PLXNA4: variants seen among roughly 807,000 people sequenced by gnomAD.
PLXNA4 encodes plexin-A4.
PLXNA4 carries 44 observed loss-of-function variants against 191.8 expected under a neutral mutation model. That is an observed-to-expected ratio of 0.23 (90% CI 0.18 to 0.29). The LOEUF is 0.29. Among genes scored for constraint, PLXNA4 ranks in the 10% least tolerant of loss-of-function variants. The pLI is 1.00. For synonymous variants in PLXNA4, 1,082 were observed against 1,009.5 expected, an observed-to-expected ratio of 1.07 and a Z score of -1.36; for missense variants, 1,800 against 2,488.8, an observed-to-expected ratio of 0.72 and a Z score of 5.89.
In PLXNA4 at chr7:132,128,164, A is replaced by C. The variant is rs1180409210; in HGVS notation, c.*2315T>G. ...CTTCCTCAGACCGTCTCCCACATGT[A>C]CCCTTTCTGGCCTTCCAGGTCCTGT... On this transcript the variant is annotated 3_prime_UTR_variant, in exon 32 of 32. Coordinates refer to ENST00000321063, the MANE Select transcript of PLXNA4 (RefSeq NM_020911.2). 1 of 152,116 alleles carries C rather than the reference A, an allele frequency of 6.6e-6. No homozygotes were observed. Among genetic ancestry groups the C allele is most frequent in the Admixed American group, 6.6e-5 (1 of 15,264 alleles). The allele number at this position is 152,116 out of a possible 1,614,324, so 9.4% of individuals were successfully genotyped here.
intron 2 of PLXNA4, among the ~76,000 whole-genome samples, chr7:132,590,218 A>C (rs1419461372): frequency 6.6e-6 from 1 of 152,222 alleles, no homozygotes; most frequent in Non-Finnish European, 1.5e-5. Context: ...CAGGCACAGA[A>C]GGTAACTGAG....
chr7:132,403,430 C>CAGGT (rs1794077125), intron 3 of PLXNA4, among the ~76,000 whole-genome samples: 1 of 152,178 alleles, frequency 6.6e-6, no homozygotes, highest in African/African-American at 2.4e-5. Context: ...ACCAGGCAGG[C>CAGGT]AGGTAACGGG....
chr7:132,259,754 A>G (rs894436901), intron 4 of PLXNA4, among the ~76,000 whole-genome samples: 2 of 152,228 alleles, frequency 1.3e-5, no homozygotes, highest in African/African-American at 2.4e-5. Context: ...GGATAAATAA[A>G]TGGTGTGGTA....
intron 3 of PLXNA4, among the ~76,000 whole-genome samples, chr7:132,427,897 T>TA (rs2117178930): frequency 6.6e-6 from 1 of 152,330 alleles, no homozygotes; most frequent in South Asian, 2.1e-4. Flanking sequence ...TTGGGAATGT[T>TA]AAAGAGATGG....
At chr7:132,608,848 A>C (rs961165081) in intron 2 of PLXNA4, among the ~76,000 whole-genome samples, 1 of 152,142 alleles carries the variant, frequency 6.6e-6, no homozygotes, top group Non-Finnish European at 1.5e-5. Flanking sequence ...TGTCTCAAGG[A>C]CCACATTCAA....
intron 9 of PLXNA4, among the ~76,000 whole-genome samples, chr7:132,212,519 C>T (rs73723744): frequency 6.6e-6 from 1 of 152,104 alleles, no homozygotes; most frequent in African/African-American, 2.4e-5. Flanking sequence ...ACATCACAGC[C>T]CATTTGAAAC....
chr7:132,348,015 A>T (rs1803318689), intron 3 of PLXNA4, among the ~76,000 whole-genome samples: 1 of 152,130 alleles, frequency 6.6e-6, no homozygotes, highest in African/African-American at 2.4e-5. Flanking sequence ...AAAACATTCC[A>T]TTTGCCTCCC....
At chr7:132,415,027 C>T (rs1336246959) in intron 3 of PLXNA4, among the ~76,000 whole-genome samples, 1 of 152,230 alleles carries the variant, frequency 6.6e-6, no homozygotes, top group Non-Finnish European at 1.5e-5. Context: ...GGCAGCCCTG[C>T]TGGTAAGCAG....
chr7:132,550,214 A>G (rs1333568066), intron 1 of PLXNA4, among the ~76,000 whole-genome samples: 1 of 152,202 alleles, frequency 6.6e-6, no homozygotes, highest in Non-Finnish European at 1.5e-5. Flanking sequence ...TGACCCCCAC[A>G]GCATGGTGGT....
At chr7:132,449,128 C>A (rs1459207037) in intron 3 of PLXNA4, among the ~76,000 whole-genome samples, 1 of 152,152 alleles carries the variant, frequency 6.6e-6, no homozygotes, top group African/African-American at 2.4e-5. Flanking sequence ...CTGGCTAGAC[C>A]AATAGACACT....
chr7:132,365,364 T>TGCGTGCGCGCGCGCGTGCGTGCGCGC (rs144384812), intron 3 of PLXNA4, among the ~76,000 whole-genome samples: 1 of 147,214 alleles, frequency 6.8e-6, no homozygotes, highest in South Asian at 2.2e-4. Context: ...TGTGTGTGCG[T>TGCGTGCGCGCGCGCGTGCGTGCGCGC]GCGCGCGCAT....
rs1380763400 is a variant in PLXNA4 at position 132,211,029 on chromosome 7, C to T, written c.2212G>A (p.Glu738Lys). The change falls in exon 10 of 32, where the codon GAA (glutamate) becomes AAA (lysine). Residue 738 changes from glutamate to lysine, a missense_variant. Around this residue, in one of 6 missense-constraint regions of PLXNA4, gnomAD observed 1,397 missense variants for 1,880.4 expected, o/e 0.74. Transcript: ENST00000321063. ...PQPQSGQRGY[E>K]CILNIQGSEQ... ...CTGCCCTGAATGTTGAGGATGCATTCGTAGCCACGCTGCCCAGACTGGGGC... is the reference window on the plus strand; with the variant it reads ...CTGCCCTGAATGTTGAGGATGCATTTGTAGCCACGCTGCCCAGACTGGGGC... 3.1e-6 allele frequency: 5 copies of T among 1,613,936 alleles called. No individual in the cohort carries two copies. Among genetic ancestry groups the T allele is most frequent in the East Asian group, 2.2e-5 (1 of 44,888 alleles).
At chr7:132,138,018 TGAAAA>T (rs1184418013) in intron 30 of PLXNA4, among the ~76,000 whole-genome samples, 1 of 151,800 alleles carries the variant, frequency 6.6e-6, no homozygotes, top group Non-Finnish European at 1.5e-5. Context: ...GGAGGACAGA[TGAAAA>T]GATGAGTGGG....
intron 2 of PLXNA4, among the ~76,000 whole-genome samples, chr7:132,617,071 T>G (rs915299495): frequency 8.5e-5 from 13 of 152,180 alleles, no homozygotes; most frequent in Non-Finnish European, 1.6e-4. Context: ...GTGGCTAAAG[T>G]GAGCAGCCAT....
intron 24 of PLXNA4, among the ~76,000 whole-genome samples, chr7:132,160,243 T>G (rs1795908955): frequency 6.6e-6 from 1 of 152,204 alleles, no homozygotes; most frequent in Non-Finnish European, 1.5e-5. Context: ...ATGTATTCTT[T>G]AAAAATAAAA....
chr7:132,377,421 A>G (rs1270171798), intron 3 of PLXNA4, among the ~76,000 whole-genome samples: 3 of 144,878 alleles, frequency 2.1e-5, no homozygotes, highest in East Asian at 3.9e-4. Context: ...CAAATGAAAA[A>G]GAAAAAAAAA....
intron 21 of PLXNA4, among the ~76,000 whole-genome samples, chr7:132,173,558 G>C (rs1254905716): frequency 6.6e-6 from 1 of 152,118 alleles, no homozygotes; most frequent in Non-Finnish European, 1.5e-5. Flanking sequence ...ACACACACAA[G>C]CCTATGCTTC....
At chr7:132,141,825 G>A (rs561500546) in intron 29 of PLXNA4, among the ~76,000 whole-genome samples, 6 of 152,192 alleles carry the variant, frequency 3.9e-5, no homozygotes, top group Non-Finnish European at 8.8e-5. Flanking sequence ...TGCCTCCTGG[G>A]TTCAAGCGAT....
intron 3 of PLXNA4, among the ~76,000 whole-genome samples, chr7:132,434,120 T>G (rs187049250): frequency 1.3e-5 from 2 of 152,358 alleles, no homozygotes; most frequent in East Asian, 3.9e-4. Context: ...CGCCTTTGGT[T>G]GCCCTTCCTT....
Sources: allele counts gnomAD v4.1 joint callset (sites outside exome capture counted in the v4.1 genomes callset), GRCh38; gene constraint gnomAD v4.1.1; regional missense constraint gnomAD v4.1.1; transcripts MANE v1.5; gene names NCBI Gene and HGNC (gene_info 2026-07-23, HGNC 2026-07-21).